Variants in GRID2 observed in about 807,000 individuals in gnomAD.
The protein encoded by GRID2 is glutamate receptor ionotropic, delta-2.
A neutral mutation model predicts 114.8 loss-of-function variants in GRID2; 33 were observed. The ratio of observed to expected loss-of-function variants is 0.29; its 90% CI spans 0.22 to 0.38. The LOEUF (loss-of-function observed/expected upper bound fraction) is 0.38, where lower values mean the gene tolerates loss of function less well. Ranked by LOEUF, GRID2 falls within the 10% of genes least tolerant of loss-of-function variation. The probability of loss-of-function intolerance (pLI) is 1.00; values close to 1 mark genes in which losing one functional copy is unlikely to be tolerated. For missense variants in GRID2, 1,184 were observed against 1,257.7 expected, an observed-to-expected ratio of 0.94 and a Z score of 0.89; for synonymous variants, 505 against 449.9, an observed-to-expected ratio of 1.12 and a Z score of -1.55.
At chr4:93,403,409 G>T (rs1418256126) in intron 9 of GRID2, among the ~76,000 whole-genome samples, 1 of 151,638 alleles carries the variant, frequency 6.6e-6, no homozygotes, top group Non-Finnish European at 1.5e-5. Context: ...AAATGAAAAA[G>T]AAATGAACAA....
intron 1 of GRID2, among the ~76,000 whole-genome samples, chr4:92,496,706 A>G (rs984490901): frequency 6.6e-6 from 1 of 151,710 alleles, no homozygotes; most frequent in Non-Finnish European, 1.5e-5. Context: ...TTTGACATTT[A>G]AACAGTTTTA....
intron 2 of GRID2, among the ~76,000 whole-genome samples, chr4:92,665,300 A>G (rs1246505982): frequency 6.6e-6 from 1 of 150,848 alleles, no homozygotes; most frequent in African/African-American, 2.4e-5. Context: ...AAAAAAAAAA[A>G]AACCTCTGCT....
intron 1 of GRID2, among the ~76,000 whole-genome samples, chr4:92,476,307 G>C (rs941160915): frequency 2.6e-5 from 4 of 152,104 alleles, no homozygotes; most frequent in Non-Finnish European, 4.4e-5. Flanking sequence ...TTATAGGCGT[G>C]AGCAACTGCA....
At chr4:92,611,893 G>GT (rs993134790) in intron 2 of GRID2, among the ~76,000 whole-genome samples, 25 of 150,256 alleles carry the variant, frequency 1.7e-4, no homozygotes, top group Non-Finnish European at 2.5e-4. Flanking sequence ...CTTGATAAGA[G>GT]TTTTTTTTTA....
chr4:92,739,832 G>T (rs565859741), intron 2 of GRID2, among the ~76,000 whole-genome samples: 1 of 152,066 alleles, frequency 6.6e-6, no homozygotes, highest in African/African-American at 2.4e-5. Context: ...TTATTCATTG[G>T]TACTGTATTT....
At chr4:92,456,439 G>T (rs541348762) in intron 1 of GRID2, among the ~76,000 whole-genome samples, 1 of 152,018 alleles carries the variant, frequency 6.6e-6, no homozygotes, top group Admixed American at 6.5e-5. Flanking sequence ...GACTTGATAC[G>T]TGAGAGACTA....
chr4:92,690,277 A>C (rs1734123150), intron 2 of GRID2, among the ~76,000 whole-genome samples: 1 of 152,082 alleles, frequency 6.6e-6, no homozygotes. Context: ...CAATTGGCCT[A>C]GTTTCCATAC....
chr4:92,441,189 T>C (rs918374310), intron 1 of GRID2, among the ~76,000 whole-genome samples: 8 of 152,136 alleles, frequency 5.3e-5, no homozygotes, highest in African/African-American at 1.4e-4. Context: ...TGTTGTTTTA[T>C]AGAAGGTGTT....
chr4:92,659,237 A>G (rs1732404251), intron 2 of GRID2, among the ~76,000 whole-genome samples: 1 of 151,740 alleles, frequency 6.6e-6, no homozygotes, highest in South Asian at 2.1e-4. Flanking sequence ...ACTATGCTAA[A>G]GTAGTTTTCA....
At chr4:93,767,910 A>G (rs567772501) in intron 14 of GRID2, among the ~76,000 whole-genome samples, 3 of 152,308 alleles carry the variant, frequency 2.0e-5, no homozygotes, top group East Asian at 3.9e-4. Flanking sequence ...CCTGTTTGAT[A>G]TAATATATTC....
chr4:93,669,103 A>C (rs1187766693), intron 14 of GRID2, among the ~76,000 whole-genome samples: 1 of 152,098 alleles, frequency 6.6e-6, no homozygotes, highest in South Asian at 2.1e-4. Context: ...ATTATAGTAC[A>C]TCAGGTTTTA....
chr4:92,583,306 A>C (rs34845420), intron 1 of GRID2, among the ~76,000 whole-genome samples: 4,759 of 151,912 alleles, frequency 0.031, 130 homozygotes, highest in Non-Finnish European at 0.049. Context: ...AATTGGAGAG[A>C]AACACAACAG....
intron 2 of GRID2, among the ~76,000 whole-genome samples, chr4:92,734,493 A>C (rs1036772406): frequency 2.6e-5 from 4 of 151,896 alleles, no homozygotes; most frequent in African/African-American, 9.7e-5. Flanking sequence ...TATGTTGCCC[A>C]AGTTGGTCTT....
intron 1 of GRID2, among the ~76,000 whole-genome samples, chr4:92,396,499 AT>A (rs1730498597): frequency 1.3e-5 from 2 of 151,968 alleles, no homozygotes; most frequent in South Asian, 4.1e-4. Flanking sequence ...TCAATAAGCA[AT>A]TTTTAAGCTT....
intron 1 of GRID2, among the ~76,000 whole-genome samples, chr4:92,392,821 C>A (rs1467101191): frequency 1.3e-5 from 2 of 152,104 alleles, no homozygotes; most frequent in African/African-American, 4.8e-5. Context: ...TCTTTATCGC[C>A]TTCCTTACCC....
At position 93,289,000 on chromosome 4, in the gene GRID2, T is replaced by A. The variant is rs537644594; in HGVS notation, c.1245+50510T>A. 2.0e-5 allele frequency among the ~76,000 whole-genome samples: 3 copies of A among 152,346 alleles called. No individual in the cohort carries two copies. In the South Asian group the frequency reaches 6.2e-4, roughly 32 times the overall value. On this transcript the variant is annotated intron_variant, in intron 8 of 15. Transcript: ENST00000282020. Reference sequence around the variant, plus strand: ...CAGGTATAGTATTTGTTTTATTAAGTGTGAAACAACATGCCTTATTTTGCC... The same window carrying A: ...CAGGTATAGTATTTGTTTTATTAAGAGTGAAACAACATGCCTTATTTTGCC...
chr4:93,243,184 A>C (rs72872741), intron 8 of GRID2, among the ~76,000 whole-genome samples: 4,460 of 152,010 alleles, frequency 0.029, 227 homozygotes, highest in African/African-American at 0.1. Context: ...TTATTTTTCT[A>C]CTAAGCTGCA....
At chr4:93,009,585 A>C (rs1297625737) in intron 2 of GRID2, among the ~76,000 whole-genome samples, 2 of 152,070 alleles carry the variant, frequency 1.3e-5, no homozygotes, top group Admixed American at 6.6e-5. Context: ...ATTTGAATTA[A>C]ATCTCCTATT....
At chr4:93,341,182 T>A (rs1439620978) in intron 8 of GRID2, among the ~76,000 whole-genome samples, 1 of 152,222 alleles carries the variant, frequency 6.6e-6, no homozygotes, top group African/African-American at 2.4e-5. Flanking sequence ...AAAATTTCTA[T>A]AGTAAACAAG....
Sources: allele counts gnomAD v4.1 joint callset (sites outside exome capture counted in the v4.1 genomes callset), GRCh38; gene constraint gnomAD v4.1.1; transcripts MANE v1.5; gene names NCBI Gene and HGNC (gene_info 2026-07-23, HGNC 2026-07-21).